CARMIL1: variants seen among roughly 807,000 people sequenced by gnomAD.
CARMIL1 encodes capping protein regulator and myosin 1 linker 1.
A neutral mutation model predicts 177.1 loss-of-function variants in CARMIL1; 90 were observed. The ratio of observed to expected loss-of-function variants is 0.51; its 90% CI spans 0.43 to 0.61. The LOEUF (loss-of-function observed/expected upper bound fraction) is 0.61. CARMIL1 is among the 20% of genes least tolerant of loss of function. The pLI, the probability that CARMIL1 is intolerant of heterozygous loss-of-function variation, is 0.00. For missense variants in CARMIL1, 1,380 were observed against 1,667.0 expected, an observed-to-expected ratio of 0.83 and a Z score of 3.00; for synonymous variants, 577 against 606.2, an observed-to-expected ratio of 0.95 and a Z score of 0.71.
chr6:25,500,763 A>G (rs950675894), intron 17 of CARMIL1, among the ~76,000 whole-genome samples: 6 of 151,704 alleles, frequency 4.0e-5, no homozygotes, highest in African/African-American at 1.5e-4. Context: ...ATATATTTAT[A>G]TATTTTTTTT....
intron 5 of CARMIL1, among the ~76,000 whole-genome samples, chr6:25,445,659 C>G (rs1026375512): frequency 1.3e-5 from 2 of 151,672 alleles, no homozygotes; most frequent in African/African-American, 4.8e-5. Flanking sequence ...CTCAGCCTTC[C>G]GAGTAACTGG....
At chr6:25,485,833 C>A (rs978934222) in intron 12 of CARMIL1, among the ~76,000 whole-genome samples, 3 of 151,820 alleles carry the variant, frequency 2.0e-5, no homozygotes, top group African/African-American at 7.3e-5. Flanking sequence ...TACATAGGAT[C>A]TGAAAGATTC....
chr6:25,410,172 A>G (rs1794785252), intron 2 of CARMIL1, among the ~76,000 whole-genome samples: 1 of 150,936 alleles, frequency 6.6e-6, no homozygotes, highest in Non-Finnish European at 1.5e-5. Flanking sequence ...GAAAATATGT[A>G]TTTTTTTCAT....
intron 5 of CARMIL1, among the ~76,000 whole-genome samples, chr6:25,448,916 CTTTTTTTT>C (rs36000360): frequency 2.4e-5 from 3 of 126,456 alleles, no homozygotes; most frequent in Non-Finnish European, 5.0e-5. Flanking sequence ...AGGGATTCTT[CTTTTTTTT>C]TTTTTTTTTG....
intron 2 of CARMIL1, among the ~76,000 whole-genome samples, chr6:25,384,081 C>T (rs766140706): frequency 1.2e-4 from 18 of 152,270 alleles, no homozygotes; most frequent in Middle Eastern, 3.4e-3. Flanking sequence ...TCAAGCGCTC[C>T]GCCCACCTTG....
chr6:25,590,911 A>G (rs924545155), intron 31 of CARMIL1, among the ~76,000 whole-genome samples: 1 of 151,954 alleles, frequency 6.6e-6, no homozygotes, highest in Non-Finnish European at 1.5e-5. Flanking sequence ...CTGTTTTATC[A>G]ATCCTCTCAA....
chr6:25,510,474 T>C, intron 18 of CARMIL1, 33 bp from the exon 19 acceptor site: 1 of 1,266,784 alleles, frequency 7.9e-7, no homozygotes, highest in Non-Finnish European at 1.1e-6. Flanking sequence ...TACACATGTG[T>C]TTTGATGTTC....
chr6:25,489,685 G>T (rs1439118218), intron 13 of CARMIL1, among the ~76,000 whole-genome samples: 2 of 152,106 alleles, frequency 1.3e-5, no homozygotes, highest in Non-Finnish European at 2.9e-5. Context: ...TCTTGTTTTG[G>T]TTTACCTGTA....
chr6:25,481,820 A>T (rs1009457885), intron 11 of CARMIL1, among the ~76,000 whole-genome samples: 1 of 152,256 alleles, frequency 6.6e-6, no homozygotes, highest in Non-Finnish European at 1.5e-5. Context: ...TCCATCTGCC[A>T]TTATCAGAAT....
At chr6:25,539,625 CAAAAAAAAAAAAAA>C (rs11304932) in intron 25 of CARMIL1, among the ~76,000 whole-genome samples, 3 of 55,706 alleles carry the variant, frequency 5.4e-5, no homozygotes, top group Admixed American at 2.7e-4. Context: ...AACTCCATCT[CAAAAAAAAAAAAAA>C]AAAAAAAAAA....
At chr6:25,281,132 GCGCGCACACA>G (rs1210703956) in intron 1 of CARMIL1, among the ~76,000 whole-genome samples, 13 of 99,860 alleles carry the variant, frequency 1.3e-4, no homozygotes, top group African/African-American at 4.2e-4. Flanking sequence ...GCGTGTGCGC[GCGCGCACACA>G]CACACACACA....
intron 29 of CARMIL1, among the ~76,000 whole-genome samples, chr6:25,580,423 C>T: frequency 6.6e-6 from 1 of 152,186 alleles, no homozygotes; most frequent in East Asian, 1.9e-4. Context: ...TTTTTGAATC[C>T]TAGCACCTTT....
At chr6:25,452,469 TA>T (rs892273274) in intron 8 of CARMIL1, 1 of 408,784 alleles carries the variant, frequency 2.4e-6, no homozygotes, top group African/African-American at 2.0e-5. Flanking sequence ...TTTACAATCT[TA>T]AAAATGATCG....
At chr6:25,526,360 G>T (rs139814632) in intron 23 of CARMIL1, among the ~76,000 whole-genome samples, 3 of 151,652 alleles carry the variant, frequency 2.0e-5, no homozygotes, top group Non-Finnish European at 2.9e-5. Flanking sequence ...AAAGAAAATG[G>T]ACATTCAGGA....
intron 29 of CARMIL1, among the ~76,000 whole-genome samples, chr6:25,565,309 G>A (rs763809955): frequency 6.6e-6 from 1 of 152,186 alleles, no homozygotes; most frequent in African/African-American, 2.4e-5. Flanking sequence ...AGATGGGCTA[G>A]GTTTTTGCAG....
intron 2 of CARMIL1, among the ~76,000 whole-genome samples, chr6:25,288,956 G>C (rs2744289): frequency 0.72 from 109,990 of 152,136 alleles, 40,440 homozygotes; most frequent in African/African-American, 0.85. Flanking sequence ...CATTAATACA[G>C]CCCTGTGCAT....
intron 2 of CARMIL1, among the ~76,000 whole-genome samples, chr6:25,376,619 G>A (rs1791011925): frequency 1.3e-5 from 2 of 151,204 alleles, no homozygotes; most frequent in African/African-American, 4.9e-5. Flanking sequence ...CATAGTGCTT[G>A]GTTTGTGAGC....
chr6:25,518,922 G>C (rs1806273756), intron 22 of CARMIL1, among the ~76,000 whole-genome samples: 1 of 152,196 alleles, frequency 6.6e-6, no homozygotes, highest in Non-Finnish European at 1.5e-5. Context: ...GTTTCATTTG[G>C]CTGGATTTTC....
chr6:25,319,923 G>A lies in CARMIL1; in HGVS notation c.138+35014G>A, dbSNP rs138987732. On this transcript the variant is annotated intron_variant, in intron 2 of 36. Transcript: ENST00000329474. ...CTCTTTAAAGAAATATATTGTTATC[G>A]CTCCCTGAAAGTGGATTAGTTAAGT... Among the ~76,000 whole-genome samples the A allele has an allele frequency of 8.2e-3, 1,250 of 152,026 alleles. 6 individuals are homozygous for A. Among genetic ancestry groups the A allele is most frequent in the Non-Finnish European group, 0.012 (810 of 67,956 alleles).
Sources: gnomAD v4.1 joint callset for allele counts (sites outside exome capture counted in the v4.1 genomes callset) on GRCh38, gnomAD v4.1.1 for gene constraint, MANE v1.5 for transcripts, NCBI Gene and HGNC (gene_info 2026-07-23, HGNC 2026-07-21) for gene names.